Variants in ZNF230 observed in about 807,000 individuals in gnomAD.
The protein encoded by ZNF230 is zinc finger protein 230.
In ZNF230, 12 loss-of-function variants were observed where a neutral mutation model predicts 10.0. The observed-to-expected ratio is 1.20, with a 90% CI of 0.77 to 1.95. ZNF230 has a LOEUF of 1.95. Among genes scored for constraint, ZNF230 ranks in the 30% most tolerant of loss-of-function variants. The pLI is 0.00. For missense variants in ZNF230, 532 were observed against 565.8 expected (o/e 0.94, Z 0.61); for synonymous variants, 174 against 193.6 (o/e 0.90, Z 0.84).
intron 1 of ZNF230, chr19:44,004,416 T>A (rs574863193): frequency 1.3e-5 from 2 of 152,278 alleles, no homozygotes; most frequent in South Asian, 4.1e-4. Context: ...CTATAGAAAA[T>A]TTTAAATATT....
At chr19:44,003,138 T>A (rs73554151) in intron 1 of ZNF230, 31 bp downstream of exon 1, 7,306 of 152,060 alleles carry the variant, frequency 0.048, 522 homozygotes, top group African/African-American at 0.15. Context: ...GGGGTTTTTT[T>A]CCCGTCCACG....
chr19:44,007,571 C>T (rs1407260606), intron 2 of ZNF230, among the ~76,000 whole-genome samples: 1 of 152,114 alleles, frequency 6.6e-6, no homozygotes, highest in Admixed American at 6.5e-5. Flanking sequence ...CTCCAGGGAC[C>T]CTCTGACCCA....
Position 44,011,353 on chromosome 19 carries a change from A to G in ZNF230, c.1314A>G (p.Gln438=). Residue 438 remains glutamine, a synonymous_variant, in exon 5 of 5, where the codon CAA becomes CAG. Coordinates refer to ENST00000429154, the MANE Select transcript of ZNF230 (RefSeq NM_006300.4). ...RLVHRSFCKD[Q]QGDHNGENSS... ...TACACCGGTCTTTCTGTAAAGACCA[A>G]CAAGGAGACCACAATGGAGAAAACT... The G allele has an allele frequency of 1.2e-6, 2 of 1,614,090 alleles. No individual in the cohort carries two copies. The highest frequency in any genetic ancestry group is 1.7e-6 in the Non-Finnish European group (2 of 1,179,950).
At chr19:44,006,036 T>C (rs993933306) in intron 1 of ZNF230, among the ~76,000 whole-genome samples, 7 of 142,996 alleles carry the variant, frequency 4.9e-5, no homozygotes, top group Non-Finnish European at 9.2e-5. Context: ...TCTTTGTCTT[T>C]TATAAACATG....
At chr19:44,007,463 A>T (rs1338220339) in intron 2 of ZNF230, among the ~76,000 whole-genome samples, 2 of 152,080 alleles carry the variant, frequency 1.3e-5, no homozygotes, top group African/African-American at 4.8e-5. Context: ...CCAAGATAAC[A>T]TGTCCTTCTG....
rs1307343199 is a variant in ZNF230, at chr19:44,010,280, A to C, written c.241A>C (p.Ile81Leu). Residue 81 changes from isoleucine (I) to leucine (L), a missense_variant, in exon 5 of 5, where the codon ATT becomes CTT. Physicochemically the swap from Ile to Leu is conservative, Grantham distance 5. Transcript: ENST00000429154. Reference sequence around the variant, plus strand: ...CTGTGTCCTTATAGGCGGCAAGACTATTGCGGAAGCAGGACCACATGAAGA... The same window carrying C: ...CTGTGTCCTTATAGGCGGCAAGACTCTTGCGGAAGCAGGACCACATGAAGA... ...QREGNSGGKT[I>L]AEAGPHEDCP... 6.2e-7 allele frequency: 1 copy of C among 1,606,640 alleles called. No homozygotes were observed. Among genetic ancestry groups the C allele is most frequent in the Non-Finnish European group, 8.5e-7 (1 of 1,175,766 alleles).
rs1214281146 is a variant in ZNF230, at chr19:44,011,354, C to G, written c.1315C>G (p.Gln439Glu). The G allele has an allele frequency of 6.2e-7, 1 of 1,614,002 alleles. No homozygotes were observed. Among genetic ancestry groups the G allele is most frequent in the Non-Finnish European group, 8.5e-7 (1 of 1,179,914 alleles). ...ACACCGGTCTTTCTGTAAAGACCAA[C>G]AAGGAGACCACAATGGAGAAAACTC... is the stretch of plus-strand genomic sequence containing the variant. ...LVHRSFCKDQQGDHNGENSSK... is the reference protein window; with the variant it reads ...LVHRSFCKDQEGDHNGENSSK... The change falls in exon 5 of 5, where the codon CAA becomes GAA. Residue 439 changes from glutamine (Q) to glutamate (E), a missense_variant. Transcript: ENST00000429154.
intron 1 of ZNF230, 99 bp from the exon 2 acceptor site, chr19:44,006,911 TA>T (rs1462060989): frequency 7.3e-6 from 4 of 544,476 alleles, no homozygotes; most frequent in Non-Finnish European, 1.3e-5. Context: ...TTAGTATGAA[TA>T]ATGCTGCTGT....
Position 44,013,841 on chromosome 19 carries a change from T to C in ZNF230, c.*2377T>C, listed in dbSNP as rs923750104. ...AGTTTTATCAAAGCAGTAAATTTAG[T>C]GCAATAAATTTGCAAACTTATTAAC... On this transcript the variant is annotated 3_prime_UTR_variant, in exon 5 of 5. Transcript: ENST00000429154. 2 of 152,214 alleles carry C rather than the reference T, an allele frequency of 1.3e-5. No individual in the cohort carries two copies. Among genetic ancestry groups the C allele is most frequent in the African/African-American group, 4.8e-5 (2 of 41,454 alleles). 9.4% of individuals were successfully genotyped at this position (152,214 alleles called of 1,614,324 possible).
rs424147 is a variant in ZNF230 at position 44,007,071 on chromosome 19, T to G, written c.-8T>G. 0.99 allele frequency: 1,592,333 copies of G among 1,605,428 alleles called. 789,992 individuals are homozygous for G. Among genetic ancestry groups the G allele is most frequent in the East Asian group, 1 (44,861 of 44,862 alleles). ...AGACACTGAAGACTCCAAAAAGTAG[T>G]AGGAAAAATGACCACATTCAAGGTG... On this transcript the variant is annotated 5_prime_UTR_variant, in exon 2 of 5. Transcript: ENST00000429154.
In ZNF230 at chr19:44,012,068, ATTTCCTTTG is replaced by A; in HGVS notation, c.*605_*613del. 1 of 190,792 alleles carries A rather than the reference ATTTCCTTTG, an allele frequency of 5.2e-6. No homozygotes were observed. The highest frequency in any genetic ancestry group is 1.1e-5 in the Non-Finnish European group (1 of 92,652). The allele number at this position is 190,792 out of a possible 1,614,324, so 11.8% of individuals were successfully genotyped here. ...GTGTAGATATCTGATCCACATACTG[ATTTCCTTTG>A]CTTTGGATATACTCAATAGTGGGAT... On this transcript the variant is annotated 3_prime_UTR_variant, in exon 5 of 5. Coordinates refer to ENST00000429154, the MANE Select transcript of ZNF230 (RefSeq NM_006300.4).
At position 44,008,832 on chromosome 19, in the gene ZNF230, G is replaced by T; in HGVS notation, c.58G>T (p.Glu20Ter). 6.2e-7 allele frequency: 1 copy of T among 1,614,074 alleles called. No homozygotes were observed. Among genetic ancestry groups the T allele is most frequent in the Non-Finnish European group, 8.5e-7 (1 of 1,179,982 alleles). Residue 20 changes from glutamate to a stop codon, truncating the protein, a stop_gained, in exon 3 of 5, where the codon GAG becomes TAG. Coordinates refer to ENST00000429154, the MANE Select transcript of ZNF230 (RefSeq NM_006300.4). LOFTEE classifies it high-confidence loss of function. ...FKDVAVFFTE[E>*]ELGLLDPAQR... The stretch of plus-strand genomic sequence containing the variant: ...GGATGTGGCTGTGTTCTTCACTGAG[G>T]AGGAACTGGGGCTACTGGACCCTGC...
At chr19:44,009,402 G>C in intron 4 of ZNF230, 1 of 578,924 alleles carries the variant, frequency 1.7e-6, no homozygotes, top group Non-Finnish European at 3.1e-6. Flanking sequence ...CCACTCCTTG[G>C]TCCAAAAGCC....
At chr19:44,005,708 G>GT in intron 1 of ZNF230, among the ~76,000 whole-genome samples, 1 of 152,050 alleles carries the variant, frequency 6.6e-6, no homozygotes, top group Non-Finnish European at 1.5e-5. Flanking sequence ...GGCCAACATG[G>GT]TGACACCTTG....
Position 44,012,309 on chromosome 19 carries a change from A to T in ZNF230, c.*845A>T. ...TATAATCTCATTTGAGAGTTCACAA[A>T]GGGGCAAAACATTAAAAAGAGGCAT... On this transcript the variant is annotated 3_prime_UTR_variant, in exon 5 of 5. Transcript: ENST00000429154. 2.1e-6 allele frequency: 1 copy of T among 485,576 alleles called. No homozygotes were observed. Among genetic ancestry groups the T allele is most frequent in the Non-Finnish European group, 4.1e-6 (1 of 244,478 alleles). The allele number at this position is 485,576 out of a possible 1,614,324, so 30.1% of individuals were successfully genotyped here.
At chr19:44,007,897 T>C in intron 2 of ZNF230, among the ~76,000 whole-genome samples, 1 of 152,134 alleles carries the variant, frequency 6.6e-6, no homozygotes, top group East Asian at 1.9e-4. Context: ...CTGCACCAAT[T>C]CCATGGAACA....
At position 44,005,780 on chromosome 19, in the gene ZNF230, T is replaced by C. The variant is rs372253500; in HGVS notation, c.-68-1231T>C. 1.1e-4 allele frequency among the ~76,000 whole-genome samples: 16 copies of C among 152,220 alleles called. 1 individual carries two copies. The highest frequency in any genetic ancestry group is 3.9e-4 in the African/African-American group (16 of 41,540). On this transcript the variant is annotated intron_variant, in intron 1 of 4. Transcript: ENST00000429154. ...GGCATGCTCCTGTAATCCCTGCTAC[T>C]TGGGAGGCTAAGGCAAGAGAATCAC...
chr19:44,008,740 C>T (rs372420054), intron 2 of ZNF230, 50 bp from the exon 3 acceptor site: 2 of 1,598,732 alleles, frequency 1.3e-6, no homozygotes, highest in African/African-American at 2.7e-5. Flanking sequence ...TGCTCCTCCC[C>T]CAGTAGTCCA....
Position 44,010,813 on chromosome 19 carries a change from G to C in ZNF230, c.774G>C (p.Gly258=), listed in dbSNP as rs1201511262. ...GEKPYICEKC[G]RAFIHDFQLQ... Reference sequence around the variant, plus strand: ...AACCTTATATTTGTGAGAAATGTGGGAGGGCCTTCATTCACGATTTCCAGC... The same window carrying C: ...AACCTTATATTTGTGAGAAATGTGGCAGGGCCTTCATTCACGATTTCCAGC... Residue 258 remains glycine (G), a synonymous_variant, in exon 5 of 5, where the codon GGG becomes GGC. Transcript: ENST00000429154. The C allele has an allele frequency of 2.5e-6, 4 of 1,614,228 alleles. 1 individual carries two copies. The South Asian group carries it at 4.4e-5, about 18-fold the overall frequency.
Sources: gnomAD v4.1 joint callset for allele counts (sites outside exome capture counted in the v4.1 genomes callset) on GRCh38, gnomAD v4.1.1 for gene constraint, MANE v1.5 for transcripts, NCBI Gene and HGNC (gene_info 2026-07-23, HGNC 2026-07-21) for gene names.